Variants in GRIK5 observed in about 807,000 individuals in gnomAD.
The protein encoded by GRIK5 is glutamate receptor ionotropic, kainate 5.
A neutral mutation model predicts 97.4 loss-of-function variants in GRIK5; 43 were observed. That is an observed-to-expected ratio of 0.44 (90% CI 0.35 to 0.57). GRIK5 has a LOEUF of 0.57. Among genes scored for constraint, GRIK5 ranks in the 20% least tolerant of loss-of-function variants. The probability of loss-of-function intolerance (pLI) is 0.01; values close to 1 mark genes in which losing one functional copy is unlikely to be tolerated. For synonymous variants in GRIK5, 580 were observed against 583.5 expected (o/e 0.99, Z 0.09); for missense variants, 1,015 against 1,382.0 (o/e 0.73, Z 4.21).
intron 8 of GRIK5, 127 bp downstream of exon 8, chr19:42,056,535 G>C: frequency 1.3e-6 from 1 of 740,814 alleles, no homozygotes; most frequent in Middle Eastern, 3.9e-4. Context: ...TGCATCACAA[G>C]GCCACACCAC....
intron 6 of GRIK5, among the ~76,000 whole-genome samples, chr19:42,058,192 G>T (rs2076212044): frequency 6.6e-6 from 1 of 151,936 alleles, no homozygotes; most frequent in Non-Finnish European, 1.5e-5. Flanking sequence ...TTTGTTTTTT[G>T]TTTTTTGAGA....
chr19:42,066,108 G>A (rs1021427321), intron 1 of GRIK5, among the ~76,000 whole-genome samples: 1 of 152,126 alleles, frequency 6.6e-6, no homozygotes, highest in Non-Finnish European at 1.5e-5. Flanking sequence ...CAGGAGGGAG[G>A]CGTGCGAGGT....
chr19:42,004,397 T>C (rs183472320), intron 17 of GRIK5, among the ~76,000 whole-genome samples: 1 of 152,266 alleles, frequency 6.6e-6, no homozygotes, highest in East Asian at 1.9e-4. Context: ...TCTATACTTA[T>C]TTCTTCATTG....
At chr19:42,011,893 G>C (rs2075567162) in intron 15 of GRIK5, among the ~76,000 whole-genome samples, 1 of 152,004 alleles carries the variant, frequency 6.6e-6, no homozygotes, top group Admixed American at 6.5e-5. Flanking sequence ...AGGATGGCTT[G>C]AGCCCAGGAG....
chr19:42,005,246 A>AC (rs1406996083), intron 17 of GRIK5, among the ~76,000 whole-genome samples: 2 of 151,034 alleles, frequency 1.3e-5, no homozygotes, highest in Non-Finnish European at 3.0e-5. Flanking sequence ...TCAAAAAAAA[A>AC]AAAAAAAAAA....
At position 42,065,730 on chromosome 19, in the gene GRIK5, G is replaced by A; in HGVS notation, c.41C>T (p.Ala14Val). ...ELLLLLIVAFASPSCQVLSSL... is the reference protein window; with the variant it reads ...ELLLLLIVAFVSPSCQVLSSL... ...TGAGAGCACCTGGCAGCTGGGGCTGGCGAAGGCAACAATCAGCAGCAGCAG... is the reference window on the plus strand; with the variant it reads ...TGAGAGCACCTGGCAGCTGGGGCTGACGAAGGCAACAATCAGCAGCAGCAG... The change falls in exon 2 of 20, where the codon GCC becomes GTC. Residue 14 changes from alanine (A) to valine (V), a missense_variant. By Grantham distance (64) the Ala-to-Val change is moderately conservative (BLOSUM62 0). Coordinates refer to ENST00000593562, the MANE Select transcript of GRIK5 (RefSeq NM_002088.5). The surrounding 1 kb of genome is among the most constrained non-coding windows in gnomAD (Gnocchi z 5.8). The A allele has an allele frequency of 1.3e-6, 2 of 1,597,908 alleles. No homozygotes were observed. The highest frequency in any genetic ancestry group is 8.5e-7 in the Non-Finnish European group (1 of 1,173,842).
intron 11 of GRIK5, among the ~76,000 whole-genome samples, chr19:42,051,662 C>T (rs183039180): frequency 1.4e-4 from 21 of 152,340 alleles, no homozygotes; most frequent in African/African-American, 5.1e-4. Context: ...ACATCTTGCC[C>T]TAGGCACCCA....
rs111754684 is a variant in GRIK5, at chr19:42,043,937, T to C, written c.1270-1182A>G. Among the ~76,000 whole-genome samples, 362 of 152,270 alleles carry C rather than the reference T, an allele frequency of 2.4e-3. 5 individuals carry two copies. The highest frequency in any genetic ancestry group is 8.2e-3 in the African/African-American group (342 of 41,558). On this transcript the variant is annotated intron_variant, in intron 11 of 19. Coordinates refer to ENST00000593562, the MANE Select transcript of GRIK5 (RefSeq NM_002088.5). ...ATAAAATAACATAAATGTTAGCAAC[T>C]GATACGGTTAGGCTTTGTGTCCCCA...
rs756590594 is a variant in GRIK5, at chr19:42,022,208, G to A, written c.1587+33C>T. The A allele has an allele frequency of 7.1e-6, 11 of 1,546,508 alleles. No homozygotes were observed. The highest frequency in any genetic ancestry group is 8.9e-6 in the Non-Finnish European group (10 of 1,118,796). On this transcript the variant is annotated intron_variant, in intron 13 of 19. Transcript: ENST00000593562. This position sits in a 1 kb window ranked among gnomAD's most constrained non-coding sequence, Gnocchi z 4.2. ...CGCAGGCCCTGAGCCTCCATGCCAG[G>A]CAAGCAGCCCATGGTCTCCAGGGGA...
chr19:41,999,048 G>A lies in GRIK5; in HGVS notation c.2766C>T (p.Ala922=), dbSNP rs1555870193. ...DPGPPSGARP[A]APTPCTHVRV... ...GCACGTGGGTGCAGGGGGTGGGGGC[G>A]GCGGGTCGGGCTCCGCTGGGGGGCC... Residue 922 remains alanine (A), a synonymous_variant, in exon 20 of 20, where the codon GCC becomes GCT. Coordinates refer to ENST00000593562, the MANE Select transcript of GRIK5 (RefSeq NM_002088.5). This position sits in a 1 kb window ranked among gnomAD's most constrained non-coding sequence, Gnocchi z 5.0. 6.5e-6 allele frequency: 8 copies of A among 1,236,082 alleles called. No individual in the cohort carries two copies. Among genetic ancestry groups the A allele is most frequent in the Admixed American group, 4.4e-5 (1 of 22,508 alleles). 76.6% of individuals were successfully genotyped at this position (1,236,082 alleles called of 1,614,324 possible). A position where few individuals can be genotyped will look rare whatever the true frequency, so the allele number is the denominator to read the frequency against.
chr19:42,050,374 A>G (rs2076097477), intron 11 of GRIK5, among the ~76,000 whole-genome samples: 1 of 151,472 alleles, frequency 6.6e-6, no homozygotes, highest in African/African-American at 2.4e-5. Flanking sequence ...AATGGAGGCA[A>G]TGTGGCCTGG....
rs1459129077 is a variant in GRIK5, at chr19:42,025,744, G to A, written c.1474-3390C>T. The stretch of plus-strand genomic sequence containing the variant: ...ATCTCTGACTGAATAGCTGGTCTCT[G>A]CCTCCCAGGACACACAGCCTGCAGC... On this transcript the variant is annotated intron_variant, in intron 12 of 19. Coordinates refer to ENST00000593562, the MANE Select transcript of GRIK5 (RefSeq NM_002088.5). 2.0e-5 allele frequency among the ~76,000 whole-genome samples: 3 copies of A among 152,182 alleles called. No individual in the cohort carries two copies. The East Asian group carries it at 5.8e-4, about 29-fold the overall frequency.
chr19:42,045,897 C>T (rs951446802), intron 11 of GRIK5, among the ~76,000 whole-genome samples: 1 of 152,140 alleles, frequency 6.6e-6, no homozygotes, highest in Non-Finnish European at 1.5e-5. Context: ...TCCAAAGCTC[C>T]GCTCTTAAGC....
chr19:41,998,929 C>A lies in GRIK5; in HGVS notation c.2885G>T (p.Ser962Ile). 1 of 1,123,924 alleles carries A rather than the reference C, an allele frequency of 8.9e-7. No individual in the cohort carries two copies. The highest frequency in any genetic ancestry group is 1.1e-6 in the Non-Finnish European group (1 of 919,910). The allele number at this position is 1,123,924 out of a possible 1,614,324, so 69.6% of individuals were successfully genotyped here. ...GGGGCCAGGCCGCGGCCGGGGCGGG[C>A]TGGTGGCTTCGGCGGGGACGCCCAG... is the stretch of plus-strand genomic sequence containing the variant. ...RGLGVPAEAT[S>I]PPRPRPGPAG... The change falls in exon 20 of 20, where the codon AGC (serine) becomes ATC (isoleucine). Residue 962 changes from serine (S) to isoleucine (I), a missense_variant. By Grantham distance (142) the Ser-to-Ile change is moderately radical. This residue lies in a region of GRIK5 where 109 missense variants were observed against 100.4 expected (regional missense o/e 1.09). Coordinates refer to ENST00000593562, the MANE Select transcript of GRIK5 (RefSeq NM_002088.5).
Position 42,065,633 on chromosome 19 carries a change from G to T in GRIK5, c.79+59C>A. The T allele has an allele frequency of 7.3e-7, 1 of 1,373,790 alleles. No individual in the cohort carries two copies. Among genetic ancestry groups the T allele is most frequent in the Non-Finnish European group, 1.0e-6 (1 of 1,003,154 alleles). The allele number at this position is 1,373,790 out of a possible 1,614,324, so 85.1% of individuals were successfully genotyped here. A position where few individuals can be genotyped will look rare whatever the true frequency, so the allele number is the denominator to read the frequency against. ...GGACCCTGACGGACTGGCATGCCTG[G>T]GTCCCCAGAGGAGCCCCAGGGCCTG... On this transcript the variant is annotated intron_variant, in intron 2 of 19. Transcript: ENST00000593562. This position sits in a 1 kb window ranked among gnomAD's most constrained non-coding sequence, Gnocchi z 5.8.
In GRIK5 at chr19:42,056,894, G is replaced by A. The variant is rs775060372; in HGVS notation, c.741+31C>T. ...GGACAGCTGTGATGGGAAGGAAGTG[G>A]GGGCAGAGATGGGCCAGAGGGCATA... On this transcript the variant is annotated intron_variant, in intron 7 of 19. Transcript: ENST00000593562. 1.2e-5 allele frequency: 19 copies of A among 1,609,066 alleles called. No individual in the cohort carries two copies. In the African/African-American group the frequency reaches 2.4e-4, roughly 20 times the overall value.
chr19:42,029,194 A>C (rs2075809809), intron 12 of GRIK5, among the ~76,000 whole-genome samples: 2 of 151,962 alleles, frequency 1.3e-5, no homozygotes, highest in African/African-American at 4.8e-5. Flanking sequence ...CACCCTTCCA[A>C]GTAGCTGGAA....
rs2075405282 is a variant in GRIK5, at chr19:41,999,227, G to A, written c.2587C>T (p.Arg863Trp). 6 of 1,521,290 alleles carry A rather than the reference G, an allele frequency of 3.9e-6. No individual in the cohort carries two copies. In the Admixed American group the frequency reaches 6.0e-5, roughly 15 times the overall value. The allele number at this position is 1,521,290 out of a possible 1,614,324, so 94.2% of individuals were successfully genotyped here. The change falls in exon 20 of 20, where the codon CGG (arginine) becomes TGG (tryptophan). Residue 863 changes from arginine to tryptophan, a missense_variant. Physicochemically the swap from Arg to Trp is moderately radical, Grantham distance 101 (BLOSUM62 -3). Coordinates refer to ENST00000593562, the MANE Select transcript of GRIK5 (RefSeq NM_002088.5). This position sits in a 1 kb window ranked among gnomAD's most constrained non-coding sequence, Gnocchi z 5.0. ...CTCGGGCCGCCCGGGCGTCGGCGCC[G>A]GCGGGAACGCGACGTCTTGCGGCAA... ...VSCRKTSRSR[R>W]RRRPGGPSRA...
At chr19:42,041,006 G>C (rs1026941495) in intron 12 of GRIK5, among the ~76,000 whole-genome samples, 50 of 152,274 alleles carry the variant, frequency 3.3e-4, no homozygotes, top group African/African-American at 1.2e-3. Context: ...CTGTGGGGTG[G>C]GGTGGGAGGC....
Sources: allele counts gnomAD v4.1 joint callset (sites outside exome capture counted in the v4.1 genomes callset), GRCh38; gene constraint gnomAD v4.1.1; regional missense constraint gnomAD v4.1.1; non-coding constraint Gnocchi (gnomAD v3.1); transcripts MANE v1.5; gene names NCBI Gene and HGNC (gene_info 2026-07-23, HGNC 2026-07-21).